The following AQP11 variants were observed in gnomAD, a reference collection of about 807,000 sequenced individuals.
AQP11 encodes the protein aquaporin 11.
AQP11 carries 20 observed loss-of-function variants against 21.1 expected under a neutral mutation model. The ratio of observed to expected loss-of-function variants is 0.95; its 90% CI spans 0.67 to 1.38. AQP11 has a LOEUF of 1.38. AQP11 is among the 40% of genes most tolerant of loss of function. The probability of loss-of-function intolerance (pLI) is 0.00; values close to 1 mark genes in which losing one functional copy is unlikely to be tolerated. For synonymous variants in AQP11, 167 were observed against 150.1 expected, an observed-to-expected ratio of 1.11 and a Z score of -0.82; for missense variants, 339 against 340.4, an observed-to-expected ratio of 1.00 and a Z score of 0.03.
chr11:77,609,009 T>C (rs1470391709), intron 2 of AQP11, among the ~76,000 whole-genome samples: 1 of 152,212 alleles, frequency 6.6e-6, no homozygotes, highest in Non-Finnish European at 1.5e-5. Flanking sequence ...TCCTTTGAAT[T>C]CATTGTTTAG....
chr11:77,606,500 T>G (rs538594130), intron 2 of AQP11, among the ~76,000 whole-genome samples: 1 of 152,128 alleles, frequency 6.6e-6, no homozygotes, highest in Non-Finnish European at 1.5e-5. Flanking sequence ...CCCCTAATAA[T>G]CCGAACATTC....
intron 2 of AQP11, among the ~76,000 whole-genome samples, chr11:77,607,718 G>A (rs548171439): frequency 1.7e-4 from 25 of 149,342 alleles, no homozygotes; most frequent in South Asian, 8.5e-4. Context: ...AGCCGAGATC[G>A]TACCACTGCA....
At position 77,603,598 on chromosome 11, in the gene AQP11, T is replaced by C. The variant is rs1958827399; in HGVS notation, c.662T>C (p.Leu221Pro). ...GCTGTATTTAATCCAGCTTTGGCAC[T>C]TTCGCTACATTTCATGTGTTTTGAT... Reference protein sequence around the residue: ...TGAVFNPALALSLHFMCFDEA... With the variant: ...TGAVFNPALAPSLHFMCFDEA... The change falls in exon 2 of 3, where the codon CTT (leucine) becomes CCT (proline). Residue 221 changes from leucine (L) to proline (P), a missense_variant. Transcript: ENST00000313578. 1 of 1,609,904 alleles carries C rather than the reference T, an allele frequency of 6.2e-7. No homozygotes were observed. Among genetic ancestry groups the C allele is most frequent in the Non-Finnish European group, 8.5e-7 (1 of 1,178,402 alleles).
intron 1 of AQP11, among the ~76,000 whole-genome samples, chr11:77,596,536 A>G (rs1218445869): frequency 4.3e-4 from 46 of 106,578 alleles, no homozygotes; most frequent in African/African-American, 1.7e-3. Flanking sequence ...ATATATATGT[A>G]AATATATATA....
intron 1 of AQP11, among the ~76,000 whole-genome samples, 163 bp from the exon 2 acceptor site, chr11:77,603,393 T>C (rs1958826097): frequency 6.6e-6 from 1 of 152,202 alleles, no homozygotes; most frequent in Non-Finnish European, 1.5e-5. Flanking sequence ...TGGCATATTA[T>C]GATTTATGAT....
Position 77,609,394 on chromosome 11 carries a change from G to A in AQP11, c.*17G>A. On this transcript the variant is annotated 3_prime_UTR_variant, in exon 3 of 3. Coordinates refer to ENST00000313578, the MANE Select transcript of AQP11 (RefSeq NM_173039.3). ...AAGGAATAACTGTTCCAAAGACTCAGACTAACATACAGGACAGTCCAGCTG... is the reference window on the plus strand; with the variant it reads ...AAGGAATAACTGTTCCAAAGACTCAAACTAACATACAGGACAGTCCAGCTG... The A allele has an allele frequency of 1.3e-6, 2 of 1,594,450 alleles. No individual in the cohort carries two copies. Among genetic ancestry groups the A allele is most frequent in the Non-Finnish European group, 1.7e-6 (2 of 1,164,392 alleles).
intron 1 of AQP11, among the ~76,000 whole-genome samples, chr11:77,594,998 G>A (rs1362700083): frequency 6.6e-6 from 1 of 152,034 alleles, no homozygotes; most frequent in Admixed American, 6.6e-5. Context: ...TTAGTTCAAT[G>A]AACAGTTTGA....
chr11:77,590,128 G>A lies in AQP11; in HGVS notation c.136G>A (p.Ala46Thr). Residue 46 changes from alanine (A) to threonine (T), a missense_variant, in exon 1 of 3, where the codon GCC (alanine) becomes ACC (threonine). Coordinates refer to ENST00000313578, the MANE Select transcript of AQP11 (RefSeq NM_173039.3). ...GCAGCTGCACAGGCCGGTGGCCCAC[G>A]CCTTCGTCCTGGAGTTTCTAGCCAC... ...RQQLHRPVAH[A>T]FVLEFLATFQ... The A allele has an allele frequency of 6.2e-7, 1 of 1,608,060 alleles. No homozygotes were observed. Among genetic ancestry groups the A allele is most frequent in the East Asian group, 2.2e-5 (1 of 44,856 alleles).
chr11:77,609,582 G>A lies in AQP11; in HGVS notation c.*205G>A. 3 of 395,758 alleles carry A rather than the reference G, an allele frequency of 7.6e-6. No individual in the cohort carries two copies. Among genetic ancestry groups the A allele is most frequent in the Non-Finnish European group, 1.3e-5 (3 of 222,602 alleles). 24.5% of individuals were successfully genotyped at this position (395,758 alleles called of 1,614,324 possible). ...ATTCTGTACTTCTCAGTTAAGACTT[G>A]TTCTTTGAGTGATGTATTAAATGCT... On this transcript the variant is annotated 3_prime_UTR_variant, in exon 3 of 3. Transcript: ENST00000313578.
At chr11:77,593,502 T>C (rs1343479833) in intron 1 of AQP11, among the ~76,000 whole-genome samples, 1 of 152,094 alleles carries the variant, frequency 6.6e-6, no homozygotes, top group Non-Finnish European at 1.5e-5. Flanking sequence ...CCAGGCATGG[T>C]GGCGGGTGCC....
intron 1 of AQP11, among the ~76,000 whole-genome samples, chr11:77,601,847 A>C (rs1958817284): frequency 6.6e-6 from 1 of 152,196 alleles, no homozygotes; most frequent in Non-Finnish European, 1.5e-5. Context: ...TTCATCCTCC[A>C]GCAACCTAGA....
intron 2 of AQP11, 81 bp from the exon 3 acceptor site, chr11:77,609,217 G>C (rs1054017525): frequency 9.7e-6 from 10 of 1,034,468 alleles, no homozygotes; most frequent in Non-Finnish European, 1.3e-5. Flanking sequence ...GTATATAATT[G>C]TAATTTTAAA....
chr11:77,599,073 G>A (rs1348905309), intron 1 of AQP11, among the ~76,000 whole-genome samples: 1 of 151,986 alleles, frequency 6.6e-6, no homozygotes, highest in Non-Finnish European at 1.5e-5. Context: ...TAGAGACAGG[G>A]TTTCTCCATG....
intron 1 of AQP11, among the ~76,000 whole-genome samples, chr11:77,600,783 C>T (rs916393231): frequency 3.9e-5 from 6 of 152,056 alleles, no homozygotes; most frequent in African/African-American, 7.2e-5. Flanking sequence ...GAGGCCGAGG[C>T]GGGCGGATCA....
chr11:77,590,848 A>G lies in AQP11; in HGVS notation c.619+237A>G, dbSNP rs1010338563. On this transcript the variant is annotated intron_variant, in intron 1 of 2. Transcript: ENST00000313578. ...GAGCCACCTCTGTGCTGAAACTGAGATACTGTGAGATATTGCCAAGGGTTC... is the reference window on the plus strand; with the variant it reads ...GAGCCACCTCTGTGCTGAAACTGAGGTACTGTGAGATATTGCCAAGGGTTC... The G allele has an allele frequency of 8.1e-6, 8 of 985,422 alleles. No individual in the cohort carries two copies. In the African/African-American group the frequency reaches 1.4e-4, roughly 17 times the overall value. The allele number at this position is 985,422 out of a possible 1,614,324, so 61.0% of individuals were successfully genotyped here.
At chr11:77,593,854 A>G (rs1958763362) in intron 1 of AQP11, among the ~76,000 whole-genome samples, 1 of 152,236 alleles carries the variant, frequency 6.6e-6, no homozygotes, top group African/African-American at 2.4e-5. Context: ...TAACAAAACT[A>G]TACACAATTG....
chr11:77,606,115 C>CTGCTTGAG (rs1418188596), intron 2 of AQP11, among the ~76,000 whole-genome samples: 3 of 148,300 alleles, frequency 2.0e-5, no homozygotes, highest in Non-Finnish European at 4.5e-5. Flanking sequence ...TGAGATAGAA[C>CTGCTTGAG]TGCTTGAGGC....
chr11:77,591,879 A>G (rs886580818), intron 1 of AQP11, among the ~76,000 whole-genome samples: 5 of 152,148 alleles, frequency 3.3e-5, no homozygotes, highest in African/African-American at 1.2e-4. Context: ...TGTCTCAAAA[A>G]AAAGAAAGAA....
chr11:77,590,073 C>T lies in AQP11; in HGVS notation c.81C>T (p.Leu27=), dbSNP rs756678732. Residue 27 remains leucine, a synonymous_variant, in exon 1 of 3, where the codon CTC becomes CTT. Transcript: ENST00000313578. ...SLGLMLSVVL[L]MGLARVVARQ... ...GACTGATGCTGTCGGTGGTGCTGCT[C>T]ATGGGGCTGGCCCGCGTAGTCGCCC... 6.2e-7 allele frequency: 1 copy of T among 1,606,300 alleles called. No individual in the cohort carries two copies. Among genetic ancestry groups the T allele is most frequent in the East Asian group, 2.2e-5 (1 of 44,806 alleles).
Sources: gnomAD v4.1 joint callset for allele counts (sites outside exome capture counted in the v4.1 genomes callset) on GRCh38, gnomAD v4.1.1 for gene constraint, MANE v1.5 for transcripts, NCBI Gene and HGNC (gene_info 2026-07-23, HGNC 2026-07-21) for gene names.